TRIM14: variants seen among roughly 807,000 people sequenced by gnomAD.
TRIM14 encodes the protein tripartite motif containing 14, also known as tripartite motif-containing protein 14.
In TRIM14, 28 loss-of-function variants were observed where a neutral mutation model predicts 44.5. The observed-to-expected ratio is 0.63, with a 90% CI of 0.47 to 0.86. TRIM14 has a LOEUF of 0.86. Ranked by LOEUF, TRIM14 falls within the 40% of genes least tolerant of loss-of-function variation. TRIM14 has a pLI of 0.00. For missense variants in TRIM14, 607 were observed against 611.1 expected (o/e 0.99, Z 0.07); for synonymous variants, 299 against 269.2 (o/e 1.11, Z -1.08).
the TRIM14 span, among the ~76,000 whole-genome samples, chr9:98,057,902 GT>G: frequency 0.6 from 55,885 of 93,020 alleles, 15,959 homozygotes; most frequent in African/African-American, 0.82. Flanking sequence ...TTCTCTTACT[GT>G]TTTTTTTTTT....
chr9:98,094,042 C>G (rs1384493292), intron 4 of TRIM14, among the ~76,000 whole-genome samples: 1 of 152,166 alleles, frequency 6.6e-6, no homozygotes, highest in Non-Finnish European at 1.5e-5. Context: ...CCACGCCCGG[C>G]CTTTATTATT....
the TRIM14 span, among the ~76,000 whole-genome samples, chr9:98,064,058 A>G: frequency 6.6e-6 from 1 of 152,158 alleles, no homozygotes; most frequent in Non-Finnish European, 1.5e-5. Context: ...GTGTCGACTG[A>G]GTTGAAAGAA....
downstream of TRIM14, among the ~76,000 whole-genome samples, chr9:98,066,475 CATCCA>C (rs1326051016): frequency 3.9e-5 from 6 of 152,036 alleles, no homozygotes; most frequent in African/African-American, 7.2e-5. Context: ...ATTGACACAC[CATCCA>C]ATTCACCCAA....
At position 98,086,094 on chromosome 9, in the gene TRIM14, T is replaced by G. The variant is rs1825765052; in HGVS notation, c.*1376A>C. 1 of 152,264 alleles carries G rather than the reference T, an allele frequency of 6.6e-6. No individual in the cohort carries two copies. The allele number at this position is 152,264 out of a possible 1,614,324, so 9.4% of individuals were successfully genotyped here. A position where few individuals can be genotyped will look rare whatever the true frequency, so the allele number is the denominator to read the frequency against. On this transcript the variant is annotated 3_prime_UTR_variant, in exon 6 of 6. Transcript: ENST00000341469. Reference sequence around the variant, plus strand: ...GACAGCTGGGCACTCTGGGTTTCCTTGGCAACATCTGGATCTAAGGGTGCT... The same window carrying G: ...GACAGCTGGGCACTCTGGGTTTCCTGGGCAACATCTGGATCTAAGGGTGCT...
At chr9:98,115,881 G>C (rs2118706479) in intron 1 of TRIM14, 1 of 152,190 alleles carries the variant, frequency 6.6e-6, no homozygotes, top group Admixed American at 6.6e-5. Flanking sequence ...GAAGACCCTT[G>C]GGGGCCAGGC....
intron 4 of TRIM14, among the ~76,000 whole-genome samples, chr9:98,093,564 A>G (rs1294669449): frequency 1.3e-5 from 2 of 152,138 alleles, no homozygotes; most frequent in Non-Finnish European, 2.9e-5. Context: ...CTAGCTCCAG[A>G]GGCCGTGCCT....
chr9:98,068,551 C>A (rs1389206342), downstream of TRIM14, among the ~76,000 whole-genome samples: 4 of 151,550 alleles, frequency 2.6e-5, no homozygotes, highest in African/African-American at 9.7e-5. Flanking sequence ...CAGTGGCTCA[C>A]TCCTGAAATC....
chr9:98,081,966 T>C (rs1317117788), downstream of TRIM14: 2 of 152,196 alleles, frequency 1.3e-5, no homozygotes. Context: ...TTAATTTGGC[T>C]CTCTGAGCAG....
chr9:98,077,919 T>C (rs1829662664), intron 6 of TRIM14: 1 of 468,352 alleles, frequency 2.1e-6, no homozygotes, highest in Admixed American at 3.5e-5. Flanking sequence ...AAGATACTCA[T>C]TTTCCTCTTG....
chr9:98,104,856 G>T (rs1424470404), intron 2 of TRIM14, among the ~76,000 whole-genome samples: 2 of 152,162 alleles, frequency 1.3e-5, no homozygotes, highest in African/African-American at 4.8e-5. Flanking sequence ...AAAGGAGGGC[G>T]CTGTTTTGCT....
Position 98,087,931 on chromosome 9 carries a change from G to C in TRIM14, c.868C>G (p.Arg290Gly). The C allele has an allele frequency of 6.4e-7, 1 of 1,565,314 alleles. No homozygotes were observed. The highest frequency in any genetic ancestry group is 8.6e-7 in the Non-Finnish European group (1 of 1,166,048). Reference sequence around the variant, plus strand: ...CCCAGGCTGCCCAGCAGGCCGCAGCGCACCGTCAGGCGATCGGCGGACAGG... The same window carrying C: ...CCCAGGCTGCCCAGCAGGCCGCAGCCCACCGTCAGGCGATCGGCGGACAGG... Reference protein sequence around the residue: ...LRLSADRLTVRCGLLGSLGPV... With the variant: ...LRLSADRLTVGCGLLGSLGPV... The change falls in exon 6 of 6, where the codon CGC becomes GGC. Residue 290 changes from arginine (R) to glycine (G), a missense_variant. Around this residue, in one of 3 missense-constraint regions of TRIM14, gnomAD observed 356 missense variants for 323.0 expected, o/e 1.10. Coordinates refer to ENST00000341469, the MANE Select transcript of TRIM14 (RefSeq NM_014788.4).
At chr9:98,066,199 C>T (rs1420622019), downstream of TRIM14, among the ~76,000 whole-genome samples, 4 of 152,068 alleles carry the variant, frequency 2.6e-5, no homozygotes, top group South Asian at 6.2e-4. Flanking sequence ...CAATAATAAC[C>T]AATCAGAGTA....
chr9:98,111,143 T>A (rs1403937554), intron 1 of TRIM14, among the ~76,000 whole-genome samples: 1 of 152,110 alleles, frequency 6.6e-6, no homozygotes, highest in Non-Finnish European at 1.5e-5. Flanking sequence ...TCTGATCTGT[T>A]CTTTGACTCA....
the TRIM14 span, among the ~76,000 whole-genome samples, chr9:98,042,210 G>A: frequency 4.1e-4 from 61 of 150,006 alleles, no homozygotes; most frequent in African/African-American, 1.4e-3. Flanking sequence ...GGAGAATGGC[G>A]TGAACCCAGG....
At chr9:98,070,885 C>T (rs1283661537) in intron 6 of TRIM14, among the ~76,000 whole-genome samples, 1 of 150,846 alleles carries the variant, frequency 6.6e-6, no homozygotes, top group Non-Finnish European at 1.5e-5. Context: ...GCTCATAGCT[C>T]ACCGCAGCCT....
In TRIM14 at chr9:98,095,097, C is replaced by T. The variant is rs1446511395; in HGVS notation, c.538-68G>A. Reference sequence around the variant, plus strand: ...GGCAGCATCCCAGCCTCCTGTGCTGCACCCAGGAACAAACCCACACCAGCA... The same window carrying T: ...GGCAGCATCCCAGCCTCCTGTGCTGTACCCAGGAACAAACCCACACCAGCA... On this transcript the variant is annotated intron_variant, in intron 3 of 5. Coordinates refer to ENST00000341469, the MANE Select transcript of TRIM14 (RefSeq NM_014788.4). The surrounding 1 kb of genome is among the most constrained non-coding windows in gnomAD (Gnocchi z 4.1). The T allele has an allele frequency of 6.5e-6, 10 of 1,535,134 alleles. No homozygotes were observed. The highest frequency in any genetic ancestry group is 7.9e-6 in the Non-Finnish European group (9 of 1,144,882).
chr9:98,044,760 A>G, the TRIM14 span, among the ~76,000 whole-genome samples: 1 of 152,182 alleles, frequency 6.6e-6, no homozygotes, highest in Non-Finnish European at 1.5e-5. Flanking sequence ...TTAAATGTAC[A>G]CAGACAAGCC....
chr9:98,081,378 C>A (rs16912622), downstream of TRIM14: 97,836 of 381,884 alleles, frequency 0.26, 15,759 homozygotes, highest in African/African-American at 0.53. Flanking sequence ...TACTCCTAGA[C>A]TCCAGAATAT....
intron 1 of TRIM14, 64 bp from the exon 2 acceptor site, chr9:98,110,048 A>G (rs2118622114): frequency 8.0e-7 from 1 of 1,247,578 alleles, no homozygotes. Context: ...CAGGCCCCCC[A>G]CAGGGGTCAC....
Sources: allele counts gnomAD v4.1 joint callset (sites outside exome capture counted in the v4.1 genomes callset), GRCh38; gene constraint gnomAD v4.1.1; regional missense constraint gnomAD v4.1.1; non-coding constraint Gnocchi (gnomAD v3.1); transcripts MANE v1.5; gene names NCBI Gene and HGNC (gene_info 2026-07-23, HGNC 2026-07-21).